Variants in NALCN observed in about 807,000 individuals in gnomAD.
The protein encoded by NALCN is sodium leak channel, non-selective.
In NALCN, 111 loss-of-function variants were observed where a neutral mutation model predicts 225.3. The ratio of observed to expected loss-of-function variants is 0.49; its 90% CI spans 0.42 to 0.58. The LOEUF (loss-of-function observed/expected upper bound fraction) is 0.58, where lower values mean the gene tolerates loss of function less well. Ranked by LOEUF, NALCN falls within the 20% of genes least tolerant of loss-of-function variation. The pLI is 0.00. For missense variants in NALCN, 1,378 were observed against 2,202.4 expected, an observed-to-expected ratio of 0.63 and a Z score of 7.49; for synonymous variants, 764 against 769.0, an observed-to-expected ratio of 0.99 and a Z score of 0.11.
intron 39 of NALCN, among the ~76,000 whole-genome samples, chr13:101,067,231 G>A (rs1190778549): frequency 7.1e-6 from 1 of 141,528 alleles, no homozygotes; most frequent in Non-Finnish European, 1.5e-5. Flanking sequence ...GGTAGAGGAG[G>A]AGGAGGTAGG....
chr13:101,122,259 A>T (rs1016309250), intron 18 of NALCN, among the ~76,000 whole-genome samples: 1 of 152,206 alleles, frequency 6.6e-6, no homozygotes, highest in Non-Finnish European at 1.5e-5. Flanking sequence ...AGAAGAAAAA[A>T]CAAAATGGCT....
intron 7 of NALCN, among the ~76,000 whole-genome samples, chr13:101,319,715 T>C (rs370180569): frequency 3.3e-5 from 5 of 152,316 alleles, no homozygotes; most frequent in African/African-American, 9.6e-5. Flanking sequence ...ATTTGTTGCA[T>C]AGAAGAAGGA....
At chr13:101,304,798 C>T (rs1401065742) in intron 7 of NALCN, among the ~76,000 whole-genome samples, 7 of 143,476 alleles carry the variant, frequency 4.9e-5, no homozygotes, top group Non-Finnish European at 1.0e-4. Context: ...GCTCTGTTGC[C>T]AGGCTAGGGT....
intron 7 of NALCN, among the ~76,000 whole-genome samples, chr13:101,327,485 T>G (rs2045002648): frequency 6.6e-6 from 1 of 152,182 alleles, no homozygotes; most frequent in Admixed American, 6.5e-5. Context: ...CTGATTAAAT[T>G]TAACCCAGAT....
At chr13:101,212,598 T>A (rs942951214) in intron 13 of NALCN, among the ~76,000 whole-genome samples, 63 of 152,292 alleles carry the variant, frequency 4.1e-4, no homozygotes, top group African/African-American at 1.5e-3. Flanking sequence ...CATGATTTAT[T>A]TATCTTCATC....
At chr13:101,291,768 T>C (rs2043562419) in intron 9 of NALCN, among the ~76,000 whole-genome samples, 1 of 152,142 alleles carries the variant, frequency 6.6e-6, no homozygotes. Flanking sequence ...TAGGCTGATC[T>C]CAAACTCCTG....
Position 101,083,131 on chromosome 13 carries a change from T to C in NALCN, c.3651A>G (p.Ala1217=), listed in dbSNP as rs776784087. The part of the protein sequence containing the change: ...TQHPFFKRTI[A]LLVLAQSVLL... ...ACACCGACTGGGCCAGGACGAGTAA[T>C]GCGATTGTCCTCTTAAAAAATGGAT... The change falls in exon 32 of 44, where the codon GCA becomes GCG. Residue 1217 remains alanine (A), a synonymous_variant. Transcript: ENST00000251127. 1.5e-5 allele frequency: 24 copies of C among 1,614,152 alleles called. No homozygotes were observed. The South Asian group carries it at 2.3e-4, about 16-fold the overall frequency.
At chr13:101,186,798 C>G (rs2039467162) in intron 14 of NALCN, among the ~76,000 whole-genome samples, 1 of 152,032 alleles carries the variant, frequency 6.6e-6, no homozygotes, top group Admixed American at 6.6e-5. Context: ...TATATTTCAT[C>G]TAGCTTATGC....
chr13:101,300,828 A>G (rs1417164913), intron 7 of NALCN, among the ~76,000 whole-genome samples: 2 of 152,236 alleles, frequency 1.3e-5, no homozygotes, highest in Non-Finnish European at 2.9e-5. Context: ...GACAAACATA[A>G]AAGGACTTTT....
At chr13:101,191,113 A>C (rs1237469234) in intron 14 of NALCN, among the ~76,000 whole-genome samples, 2 of 152,162 alleles carry the variant, frequency 1.3e-5, no homozygotes, top group Non-Finnish European at 2.9e-5. Context: ...CAATAGTAGC[A>C]GTTGTATTTA....
intron 9 of NALCN, among the ~76,000 whole-genome samples, chr13:101,291,110 T>C (rs928445218): frequency 6.6e-6 from 1 of 152,216 alleles, no homozygotes; most frequent in Non-Finnish European, 1.5e-5. Flanking sequence ...AGGAGCCTTA[T>C]GGTTTTATGG....
At chr13:101,103,444 C>T in intron 25 of NALCN, 105 bp from the exon 26 acceptor site, 1 of 1,338,488 alleles carries the variant, frequency 7.5e-7, no homozygotes, top group South Asian at 1.4e-5. Context: ...AGAGATTCCA[C>T]TCACTGGTTG....
intron 11 of NALCN, 98 bp from the exon 12 acceptor site, chr13:101,238,020 A>G (rs1409408372): frequency 4.8e-6 from 5 of 1,045,786 alleles, no homozygotes; most frequent in Admixed American, 2.3e-5. Context: ...TGCCACTATC[A>G]TATACACTAA....
intron 1 of NALCN, among the ~76,000 whole-genome samples, chr13:101,412,343 T>A (rs989023280): frequency 6.6e-6 from 1 of 152,232 alleles, no homozygotes; most frequent in East Asian, 1.9e-4. Flanking sequence ...ATCTCTTTTC[T>A]TTGCATAATT....
chr13:101,292,450 T>C lies in NALCN; in HGVS notation c.800-84A>G. 1.4e-6 allele frequency: 2 copies of C among 1,395,210 alleles called. No individual in the cohort carries two copies. The highest frequency in any genetic ancestry group is 1.5e-5 in the South Asian group (1 of 68,804). 86.4% of individuals were successfully genotyped at this position (1,395,210 alleles called of 1,614,324 possible). A position where few individuals can be genotyped will look rare whatever the true frequency, so the allele number is the denominator to read the frequency against. On this transcript the variant is annotated intron_variant, in intron 7 of 43. Transcript: ENST00000251127. This position sits in a 1 kb window ranked among gnomAD's most constrained non-coding sequence, Gnocchi z 4.3. ...TTTCCAGAAAAACAATCAATATTTA[T>C]CCATACTTATTTTCTCAATGACAAA... is the stretch of plus-strand genomic sequence containing the variant.
chr13:101,365,965 T>G (rs1233386841), intron 6 of NALCN, among the ~76,000 whole-genome samples: 1 of 152,210 alleles, frequency 6.6e-6, no homozygotes, highest in South Asian at 2.1e-4. Flanking sequence ...TACCGAGCTA[T>G]GAATATGTTT....
intron 3 of NALCN, among the ~76,000 whole-genome samples, chr13:101,387,037 A>C (rs988563779): frequency 4.0e-5 from 6 of 151,378 alleles, no homozygotes; most frequent in Non-Finnish European, 7.4e-5. Flanking sequence ...CTGGCTAACA[A>C]GGTGAAACCC....
intron 7 of NALCN, among the ~76,000 whole-genome samples, chr13:101,342,997 C>G (rs916200931): frequency 3.3e-5 from 5 of 151,916 alleles, no homozygotes; most frequent in African/African-American, 1.2e-4. Flanking sequence ...TTTAACTAAC[C>G]ATAATTACTT....
chr13:101,331,390 T>C (rs528010414), intron 7 of NALCN, among the ~76,000 whole-genome samples: 2 of 152,192 alleles, frequency 1.3e-5, no homozygotes, highest in African/African-American at 4.8e-5. Context: ...ATAAAAATTA[T>C]AGATGTTGGA....
Sources: gnomAD v4.1 joint callset for allele counts (sites outside exome capture counted in the v4.1 genomes callset) on GRCh38, gnomAD v4.1.1 for gene constraint, Gnocchi (gnomAD v3.1) non-coding constraint, MANE v1.5 for transcripts, NCBI Gene and HGNC (gene_info 2026-07-23, HGNC 2026-07-21) for gene names.